Variants in IGSF9B observed in about 807,000 individuals in gnomAD.
IGSF9B encodes immunoglobulin superfamily member 9B.
A neutral mutation model predicts 143.7 loss-of-function variants in IGSF9B; 48 were observed. The observed-to-expected ratio is 0.33, with a 90% confidence interval of 0.26 to 0.42. IGSF9B has a LOEUF of 0.42. Ranked by LOEUF, IGSF9B falls within the 20% of genes least tolerant of loss-of-function variation. IGSF9B has a pLI of 1.00. For synonymous variants in IGSF9B, 903 were observed against 833.1 expected (o/e 1.08, Z -1.44); for missense variants, 1,706 against 1,980.0 (o/e 0.86, Z 2.63).
chr11:133,946,090 T>C lies in IGSF9B; in HGVS notation c.233A>G (p.Tyr78Cys). ...ATACTCAGGGTCCACGTGCGGCGGG[T>C]AGTAGCCAAACTTGATGAAGATAGG... ...PIPIFIKFGY[Y>C]PPHVDPEYAG... Residue 78 changes from tyrosine (Y) to cysteine (C), a missense_variant, in exon 2 of 20, where the codon TAC (tyrosine) becomes TGC (cysteine). This residue lies in a region of IGSF9B where 171 missense variants were observed against 213.9 expected (regional missense o/e 0.80). Coordinates refer to ENST00000533871, the MANE Select transcript of IGSF9B (RefSeq NM_001277285.4). The C allele has an allele frequency of 6.3e-7, 1 of 1,595,966 alleles. No homozygotes were observed. Among genetic ancestry groups the C allele is most frequent in the Non-Finnish European group, 8.5e-7 (1 of 1,169,952 alleles).
At chr11:133,956,644 C>A in intron 1 of IGSF9B, 47 bp downstream of exon 1, 1 of 1,356,404 alleles carries the variant, frequency 7.4e-7, no homozygotes, top group Non-Finnish European at 1.0e-6. Context: ...CGCGAGGGGC[C>A]GAGGGCGCCG....
rs1036947917 is a variant in IGSF9B, at chr11:133,948,068, T to C, written c.65-1810A>G. Among the ~76,000 whole-genome samples the C allele has an allele frequency of 7.4e-6, 1 of 135,772 alleles. No individual in the cohort carries two copies. The highest frequency in any genetic ancestry group is 1.6e-5 in the Non-Finnish European group (1 of 60,636). The allele number at this position is 135,772 out of a possible 152,430, so 89.1% of individuals were successfully genotyped here. A position where few individuals can be genotyped will look rare whatever the true frequency, so the allele number is the denominator to read the frequency against. ...ACCAGCATGTGTGCGTGTGTGTGTGTGTGTGTGTGTGTGTGTGTGTGTCTG... is the reference window on the plus strand; with the variant it reads ...ACCAGCATGTGTGCGTGTGTGTGTGCGTGTGTGTGTGTGTGTGTGTGTCTG... On this transcript the variant is annotated intron_variant, in intron 1 of 19. Transcript: ENST00000533871. The surrounding 1 kb of genome is among the most constrained non-coding windows in gnomAD (Gnocchi z 4.7).
chr11:133,934,872 T>C (rs889703867), intron 7 of IGSF9B, among the ~76,000 whole-genome samples: 1 of 152,214 alleles, frequency 6.6e-6, no homozygotes, highest in African/African-American at 2.4e-5. Context: ...GAGTCTGTTA[T>C]CTACAGCAAC....
At chr11:133,915,966 C>G (rs1939373338) in intron 18 of IGSF9B, among the ~76,000 whole-genome samples, 1 of 152,190 alleles carries the variant, frequency 6.6e-6, no homozygotes, top group Non-Finnish European at 1.5e-5. Context: ...AAGATGGAAC[C>G]CTTCTGTGGG....
intron 15 of IGSF9B, 70 bp from the exon 16 acceptor site, chr11:133,922,800 C>T: frequency 2.1e-6 from 3 of 1,404,296 alleles, no homozygotes; most frequent in Non-Finnish European, 2.9e-6. Flanking sequence ...GACCTTCAGT[C>T]CCCAAGTGTT....
chr11:133,909,698 G>A lies in IGSF9B; in HGVS notation c.4106-421C>T, dbSNP rs369323593. On this transcript the variant is annotated intron_variant, in intron 19 of 19. Transcript: ENST00000533871. The surrounding 1 kb of genome is among the most constrained non-coding windows in gnomAD (Gnocchi z 4.2). ...ACTTTATACAAGATTTTAATCGCAT[G>A]CAACGGTCAGGCCTTGACCCTTCCT... Among the ~76,000 whole-genome samples the A allele has an allele frequency of 2.6e-5, 4 of 152,280 alleles. No individual in the cohort carries two copies. Among genetic ancestry groups the A allele is most frequent in the African/African-American group, 9.6e-5 (4 of 41,558 alleles).
At position 133,928,827 on chromosome 11, in the gene IGSF9B, C is replaced by G. The variant is rs1421330761; in HGVS notation, c.1631+844G>C. Among the ~76,000 whole-genome samples, 1 of 152,176 alleles carries G rather than the reference C, an allele frequency of 6.6e-6. No individual in the cohort carries two copies. Among genetic ancestry groups the G allele is most frequent in the African/African-American group, 2.4e-5 (1 of 41,452 alleles). On this transcript the variant is annotated intron_variant, in intron 12 of 19. Coordinates refer to ENST00000533871, the MANE Select transcript of IGSF9B (RefSeq NM_001277285.4). This position sits in a 1 kb window ranked among gnomAD's most constrained non-coding sequence, Gnocchi z 4.7. ...AGGTTTGCGCAAAGACCTCATATGA[C>G]TGCATCTGGCTAAACTGACAACAGA...
At chr11:133,944,189 AG>A (rs770587776) in intron 3 of IGSF9B, 30 bp downstream of exon 3, 35 of 1,569,620 alleles carry the variant, frequency 2.2e-5, no homozygotes, top group Non-Finnish European at 2.8e-5. Context: ...GTTGATGGTG[AG>A]GTGGACCCAC....
At chr11:133,943,557 C>G (rs1939991122) in intron 3 of IGSF9B, among the ~76,000 whole-genome samples, 1 of 152,176 alleles carries the variant, frequency 6.6e-6, no homozygotes, top group South Asian at 2.1e-4. Context: ...TGCCCTTACC[C>G]AGATCCTTGA....
chr11:133,938,589 C>T (rs897609376), intron 3 of IGSF9B, among the ~76,000 whole-genome samples: 1 of 152,178 alleles, frequency 6.6e-6, no homozygotes, highest in Non-Finnish European at 1.5e-5. Flanking sequence ...AAAACTCCAT[C>T]CTGTTTGGGT....
rs771103534 is a variant in IGSF9B, at chr11:133,930,969, T to C, written c.1519+15A>G. The C allele has an allele frequency of 1.2e-6, 2 of 1,601,628 alleles. No homozygotes were observed. The highest frequency in any genetic ancestry group is 2.3e-5 in the South Asian group (2 of 88,834). On this transcript the variant is annotated intron_variant, in intron 11 of 19. Transcript: ENST00000533871. ...TCTGTCCCCGCCGCCCGGCCCAGCC[T>C]TGCCGGCCACGTACCGATGACGGTG...
chr11:133,930,424 A>T (rs1294732157), intron 11 of IGSF9B, among the ~76,000 whole-genome samples: 1 of 152,184 alleles, frequency 6.6e-6, no homozygotes, highest in Non-Finnish European at 1.5e-5. Flanking sequence ...AGGCTCCAAA[A>T]GCATTGGCTG....
At chr11:133,925,110 CG>C (rs1428033026) in intron 14 of IGSF9B, among the ~76,000 whole-genome samples, 1 of 152,164 alleles carries the variant, frequency 6.6e-6, no homozygotes, top group Non-Finnish European at 1.5e-5. Context: ...AAGCTACGAA[CG>C]TGAGGTCACC....
intron 1 of IGSF9B, among the ~76,000 whole-genome samples, chr11:133,952,647 T>A (rs981225513): frequency 6.7e-6 from 1 of 149,056 alleles, no homozygotes; most frequent in South Asian, 2.1e-4. Flanking sequence ...TGGGCACATG[T>A]GCACACACAT....
rs1940102767 is a variant in IGSF9B, at chr11:133,948,667, A to C, written c.65-2409T>G. On this transcript the variant is annotated intron_variant, in intron 1 of 19. Coordinates refer to ENST00000533871, the MANE Select transcript of IGSF9B (RefSeq NM_001277285.4). The surrounding 1 kb of genome is among the most constrained non-coding windows in gnomAD (Gnocchi z 4.7). The stretch of plus-strand genomic sequence containing the variant: ...TGTGTGTGTGTGTGTGTGTGTGTCT[A>C]CAGCACACACCTGTGAGGAGATAAG... Among the ~76,000 whole-genome samples, 1 of 146,704 alleles carries C rather than the reference A, an allele frequency of 6.8e-6. No individual in the cohort carries two copies. Among genetic ancestry groups the C allele is most frequent in the Non-Finnish European group, 1.5e-5 (1 of 66,716 alleles).
At position 133,936,185 on chromosome 11, in the gene IGSF9B, A is replaced by G. The variant is rs1939819501; in HGVS notation, c.689T>C (p.Phe230Ser). The change falls in exon 6 of 20, where the codon TTC becomes TCC. Residue 230 changes from phenylalanine to serine, a missense_variant. By Grantham distance (155) the Phe-to-Ser change is radical (BLOSUM62 -2). Transcript: ENST00000533871. ...TTHLLVQGPP[F>S]IVSPPENITV... is the part of the protein sequence containing the mutation. Reference sequence around the variant, plus strand: ...GATGTTCTCAGGAGGGGAGACGATGAAAGGGGGCCCTGGGGAGAGCAGGGA... The same window carrying G: ...GATGTTCTCAGGAGGGGAGACGATGGAAGGGGGCCCTGGGGAGAGCAGGGA... 1 of 1,610,098 alleles carries G rather than the reference A, an allele frequency of 6.2e-7. No homozygotes were observed. The highest frequency in any genetic ancestry group is 8.5e-7 in the Non-Finnish European group (1 of 1,178,430).
intron 18 of IGSF9B, chr11:133,919,143 T>C (rs1274059514): frequency 4.6e-6 from 2 of 433,686 alleles, no homozygotes; most frequent in Non-Finnish European, 4.6e-6. Context: ...GGACGTGTCC[T>C]GCACATGGTC....
intron 3 of IGSF9B, among the ~76,000 whole-genome samples, chr11:133,940,564 A>G (rs1476815495): frequency 1.7e-5 from 2 of 120,246 alleles, no homozygotes; most frequent in African/African-American, 6.4e-5. Context: ...ACGCGTCATC[A>G]CATGCAAAAA....
intron 1 of IGSF9B, 85 bp downstream of exon 1, chr11:133,956,606 C>G: frequency 2.2e-6 from 2 of 927,404 alleles, no homozygotes; most frequent in Admixed American, 2.4e-5. Context: ...ACCGGGGGGC[C>G]AAGGAGCCGG....
Sources: gnomAD v4.1 joint callset for allele counts (sites outside exome capture counted in the v4.1 genomes callset) on GRCh38, gnomAD v4.1.1 for gene constraint, gnomAD v4.1.1 regional missense constraint, Gnocchi (gnomAD v3.1) non-coding constraint, MANE v1.5 for transcripts, NCBI Gene and HGNC (gene_info 2026-07-23, HGNC 2026-07-21) for gene names.